NDRG1: variants seen among roughly 807,000 people sequenced by gnomAD.
NDRG1 encodes protein NDRG1.
In NDRG1, 32 loss-of-function variants were observed where a neutral mutation model predicts 56.9. That is an observed-to-expected ratio of 0.56 (90% CI 0.42 to 0.76). The LOEUF is 0.76. Ranked by LOEUF, NDRG1 falls within the 30% of genes least tolerant of loss-of-function variation. NDRG1 has a pLI of 0.00. For synonymous variants in NDRG1, 211 were observed against 204.1 expected (o/e 1.03, Z -0.29); for missense variants, 507 against 545.7 (o/e 0.93, Z 0.71).
chr8:133,265,962 C>G (rs1415551698), intron 3 of NDRG1, among the ~76,000 whole-genome samples: 1 of 152,244 alleles, frequency 6.6e-6, no homozygotes, highest in Admixed American at 6.5e-5. Context: ...TTGAAGTGCC[C>G]CACTCTGGGC....
chr8:133,278,879 C>CTCT (rs958869270), intron 3 of NDRG1, among the ~76,000 whole-genome samples: 1 of 145,838 alleles, frequency 6.9e-6, no homozygotes, highest in Non-Finnish European at 1.5e-5. Flanking sequence ...AGTGCTGTCT[C>CTCT]TCTTCTTCTT....
chr8:133,255,363 A>G (rs1224673619), intron 8 of NDRG1: 2 of 456,336 alleles, frequency 4.4e-6, no homozygotes, highest in South Asian at 1.5e-5. Context: ...AACTGCACAC[A>G]TCACAGTATC....
intron 15 of NDRG1, 100 bp from the exon 16 acceptor site, chr8:133,239,219 C>G: frequency 6.6e-7 from 1 of 1,520,130 alleles, no homozygotes; most frequent in Non-Finnish European, 8.9e-7. Flanking sequence ...CGTGCCAGCC[C>G]CAGAGAAGAC....
In NDRG1 at chr8:133,259,367, C is replaced by T. The variant is rs140645661; in HGVS notation, c.327-137G>A. ...GACCCCCCCACCCCCAAGTCTAGTC[C>T]CTTCGCATCCTCCTTCCAAGACCCC... On this transcript the variant is annotated intron_variant, in intron 5 of 15. Transcript: ENST00000323851. 174 of 796,460 alleles carry T rather than the reference C, an allele frequency of 2.2e-4. No individual in the cohort carries two copies. In the East Asian group the frequency reaches 3.1e-3, roughly 14 times the overall value. 49.3% of individuals were successfully genotyped at this position (796,460 alleles called of 1,614,324 possible). A position where few individuals can be genotyped will look rare whatever the true frequency, so the allele number is the denominator to read the frequency against.
chr8:133,239,283 GGAGA>G, intron 15 of NDRG1, 164 bp from the exon 16 acceptor site: 2 of 1,133,716 alleles, frequency 1.8e-6, no homozygotes, highest in Non-Finnish European at 1.3e-6. Flanking sequence ...ATGTCCACTC[GGAGA>G]GAGAGATGGC....
chr8:133,288,839 G>T (rs371855168), intron 1 of NDRG1, among the ~76,000 whole-genome samples: 1 of 152,150 alleles, frequency 6.6e-6, no homozygotes, highest in African/African-American at 2.4e-5. Context: ...CCCTCCAGCA[G>T]GTCTCCTTCA....
chr8:133,279,886 A>C (rs1222499049), intron 3 of NDRG1, among the ~76,000 whole-genome samples: 1 of 152,078 alleles, frequency 6.6e-6, no homozygotes, highest in East Asian at 1.9e-4. Flanking sequence ...CAAGAACATC[A>C]AGCTTTTGCT....
At chr8:133,240,384 A>T (rs1022629704) in intron 15 of NDRG1, 4 of 152,220 alleles carry the variant, frequency 2.6e-5, no homozygotes, top group Non-Finnish European at 5.9e-5. Flanking sequence ...GGCACTCCCA[A>T]ACAGAATTAA....
At chr8:133,264,986 C>T (rs1475345943) in intron 3 of NDRG1, 6 of 379,636 alleles carry the variant, frequency 1.6e-5, no homozygotes, top group South Asian at 2.3e-5. Context: ...CGCTTCCTTG[C>T]TTCCTTGCCC....
At chr8:133,250,619 AGGTT>A in intron 9 of NDRG1, 76 bp from the exon 10 acceptor site, 2 of 1,204,116 alleles carry the variant, frequency 1.7e-6, no homozygotes, top group South Asian at 1.2e-5. Context: ...TCCATTCTCC[AGGTT>A]ATTTGGAGAC....
chr8:133,261,314 C>T (rs943367034), intron 5 of NDRG1, among the ~76,000 whole-genome samples: 23 of 151,928 alleles, frequency 1.5e-4, no homozygotes, highest in African/African-American at 4.1e-4. Flanking sequence ...TCACGTTGGC[C>T]GGAGACAGGG....
Position 133,254,536 on chromosome 8 carries a change from C to T in NDRG1, c.594+3G>A. 5 of 1,614,054 alleles carry T rather than the reference C, an allele frequency of 3.1e-6. No homozygotes were observed. Among genetic ancestry groups the T allele is most frequent in the Non-Finnish European group, 4.2e-6 (5 of 1,179,944 alleles). ...AACAGATTTGCCAGACCACGCAACT[C>T]ACCTTCCCAAAAAGGTGGGACACCA... On this transcript the variant is annotated splice_donor_region_variant and intron_variant, in intron 9 of 15. Transcript: ENST00000323851.
chr8:133,259,714 T>G (rs954299454), intron 5 of NDRG1, among the ~76,000 whole-genome samples: 3 of 152,166 alleles, frequency 2.0e-5, no homozygotes, highest in Admixed American at 6.5e-5. Flanking sequence ...CGCAAAGCAG[T>G]GATTGATCCT....
At chr8:133,283,327 C>T (rs965095689) in intron 2 of NDRG1, among the ~76,000 whole-genome samples, 2 of 152,242 alleles carry the variant, frequency 1.3e-5, no homozygotes, top group Non-Finnish European at 2.9e-5. Flanking sequence ...TTTAGACTAA[C>T]TTCACTTTTG....
chr8:133,264,802 T>G, intron 3 of NDRG1, 150 bp from the exon 4 acceptor site: 1 of 707,276 alleles, frequency 1.4e-6, no homozygotes. Context: ...CAGCTCTCTC[T>G]GGCCAGAAGC....
chr8:133,269,447 G>A (rs916776369), intron 3 of NDRG1, among the ~76,000 whole-genome samples: 5 of 152,346 alleles, frequency 3.3e-5, no homozygotes, highest in Middle Eastern at 3.4e-3. Flanking sequence ...AGGGATGGGG[G>A]CAGTAATAAA....
At position 133,253,489 on chromosome 8, in the gene NDRG1, G is replaced by A. The variant is rs144896505; in HGVS notation, c.594+1050C>T. ...ATCACACAGGTCACAGAGCACCTGG[G>A]TGGAATCCTATTCCTATAGTTAACA... On this transcript the variant is annotated intron_variant, in intron 9 of 15. Transcript: ENST00000323851. Among the ~76,000 whole-genome samples, 1,033 of 152,306 alleles carry A rather than the reference G, an allele frequency of 6.8e-3. 19 individuals are homozygous for A. The highest frequency in any genetic ancestry group is 0.023 in the African/African-American group (967 of 41,560).
chr8:133,284,524 G>A (rs957737352), intron 1 of NDRG1, among the ~76,000 whole-genome samples, 195 bp from the exon 2 acceptor site: 1 of 152,186 alleles, frequency 6.6e-6, no homozygotes, highest in Non-Finnish European at 1.5e-5. Flanking sequence ...CTTCCCATTG[G>A]GGCCAGCGCA....
At chr8:133,262,382 A>G in intron 4 of NDRG1, 1 of 579,418 alleles carries the variant, frequency 1.7e-6, no homozygotes, top group Non-Finnish European at 3.0e-6. Context: ...TTCATGGGGC[A>G]AGGGAGTGGT....
Sources: gnomAD v4.1 joint callset for allele counts (sites outside exome capture counted in the v4.1 genomes callset) on GRCh38, gnomAD v4.1.1 for gene constraint, MANE v1.5 for transcripts, NCBI Gene and HGNC (gene_info 2026-07-23, HGNC 2026-07-21) for gene names.